The following EMP1 variants were observed in gnomAD, a reference collection of about 807,000 sequenced individuals.
EMP1 encodes tumor-associated membrane protein.
Under a neutral mutation model 15.7 loss-of-function variants are expected in EMP1, and 5 were observed. The observed-to-expected ratio is 0.32, with a 90% CI of 0.17 to 0.67. EMP1 has a LOEUF of 0.67. Among genes scored for constraint, EMP1 ranks in the 30% least tolerant of loss-of-function variants. The probability of loss-of-function intolerance (pLI) is 0.74; values close to 1 mark genes in which losing one functional copy is unlikely to be tolerated. For missense variants in EMP1, 166 were observed against 194.2 expected (o/e 0.85, Z 0.86); for synonymous variants, 78 against 76.7 (o/e 1.02, Z -0.09).
Position 13,200,102 on chromosome 12 carries a change from C to G in EMP1, c.-43+3230C>G, listed in dbSNP as rs543001426. ...TTTTCTAAATGCATGAATATGGTTC[C>G]TTCTTTAACCTCCCACATGTATGTA... is the stretch of plus-strand genomic sequence containing the variant. On this transcript the variant is annotated intron_variant, in intron 1 of 4. Transcript: ENST00000256951. 9.9e-5 allele frequency among the ~76,000 whole-genome samples: 15 copies of G among 151,888 alleles called. No individual in the cohort carries two copies. In the East Asian group the frequency reaches 2.9e-3, roughly 29 times the overall value.
chr12:13,213,065 T>G (rs1402217502), intron 2 of EMP1, among the ~76,000 whole-genome samples: 1 of 152,248 alleles, frequency 6.6e-6, no homozygotes, highest in African/African-American at 2.4e-5. Flanking sequence ...CATTTCACTT[T>G]TTTCCTGGTT....
intron 1 of EMP1, among the ~76,000 whole-genome samples, chr12:13,198,953 C>A (rs115201496): frequency 6.1e-4 from 92 of 151,380 alleles, no homozygotes; most frequent in African/African-American, 2.0e-3. Context: ...TTTTCCCCCC[C>A]ACTCTGCCCG....
At chr12:13,209,173 G>A (rs1016258903) in intron 1 of EMP1, 16 of 152,268 alleles carry the variant, frequency 1.1e-4, no homozygotes, top group Admixed American at 3.3e-4. Flanking sequence ...TGAAGAGCCC[G>A]AGGAGGATTA....
rs142479208 is a variant in EMP1 at position 13,206,541 on chromosome 12, G to A, written c.-42-4928G>A. 7.2e-3 allele frequency among the ~76,000 whole-genome samples: 1,090 copies of A among 152,254 alleles called. 9 individuals carry two copies. The highest frequency in any genetic ancestry group is 0.024 in the Middle Eastern group (7 of 294). ...AGGATTTTGACCACTTCCTTCACTG[G>A]GGAAGTGGGTTTTTGGTTGCTCTAT... On this transcript the variant is annotated intron_variant, in intron 1 of 4. Coordinates refer to ENST00000256951, the MANE Select transcript of EMP1 (RefSeq NM_001423.3).
intron 1 of EMP1, among the ~76,000 whole-genome samples, chr12:13,209,983 G>T (rs1864150234): frequency 6.6e-6 from 1 of 152,180 alleles, no homozygotes; most frequent in Admixed American, 6.5e-5. Flanking sequence ...ATTGGGAAGG[G>T]GCTGTTGGAG....
intron 1 of EMP1, among the ~76,000 whole-genome samples, chr12:13,204,151 A>G (rs1340660814): frequency 6.6e-6 from 1 of 152,156 alleles, no homozygotes; most frequent in East Asian, 1.9e-4. Context: ...ATCAAGTCCT[A>G]CCTGAGGTTC....
Position 13,211,574 on chromosome 12 carries a change from AG to A in EMP1, c.65del (p.Ser22ThrfsTer13), listed in dbSNP as rs746233006. 1 of 1,613,864 alleles carries A rather than the reference AG, an allele frequency of 6.2e-7. No individual in the cohort carries two copies. Among genetic ancestry groups the A allele is most frequent in the Non-Finnish European group, 8.5e-7 (1 of 1,179,948 alleles). On this transcript the variant is annotated frameshift_variant, in exon 2 of 5. Coordinates refer to ENST00000256951, the MANE Select transcript of EMP1 (RefSeq NM_001423.3). LOFTEE classifies it high-confidence loss of function. The surrounding 1 kb of genome is among the most constrained non-coding windows in gnomAD (Gnocchi z 4.7). Reference sequence around the variant, plus strand: ...CGCTACTGTTATTATGCTATTTGTTAGCACCATTGCCAATGTGAGTAATGTT... The same window carrying A: ...CGCTACTGTTATTATGCTATTTGTTACACCATTGCCAATGTGAGTAATGTT... ...HIATVIMLFV[S>X]TIANVWLVSN...
chr12:13,212,429 T>A (rs949630701), intron 2 of EMP1, among the ~76,000 whole-genome samples: 1 of 152,206 alleles, frequency 6.6e-6, no homozygotes, highest in Non-Finnish European at 1.5e-5. Flanking sequence ...TAAGTGAGTT[T>A]TAAAGTTCAG....
chr12:13,200,674 A>G (rs1393626542), intron 1 of EMP1, among the ~76,000 whole-genome samples: 1 of 152,140 alleles, frequency 6.6e-6, no homozygotes, highest in African/African-American at 2.4e-5. Flanking sequence ...GGGTAAAACC[A>G]TTTCCTTCAA....
chr12:13,204,883 A>G (rs1864098090), intron 1 of EMP1, among the ~76,000 whole-genome samples: 1 of 152,216 alleles, frequency 6.6e-6, no homozygotes, highest in Non-Finnish European at 1.5e-5. Context: ...TGAGATTTTG[A>G]GATCTAAGGT....
intron 2 of EMP1, among the ~76,000 whole-genome samples, chr12:13,213,196 G>C (rs1431985979): frequency 1.3e-5 from 2 of 152,210 alleles, no homozygotes; most frequent in Admixed American, 1.3e-4. Context: ...CTGTGGTTGA[G>C]TTACTTCCAT....
At chr12:13,197,347 G>T (rs1287325825) in intron 1 of EMP1, among the ~76,000 whole-genome samples, 1 of 152,118 alleles carries the variant, frequency 6.6e-6, no homozygotes, top group African/African-American at 2.4e-5. Context: ...TTTGGGTGGT[G>T]GTGGATAGAT....
chr12:13,218,491 A>G lies in EMP1; in HGVS notation c.*3800A>G, dbSNP rs1255701140. On this transcript the variant is annotated 3_prime_UTR_variant, in exon 5 of 5. Transcript: ENST00000256951. ...GGATAGGCTGGTGGGAGGAAGAATG[A>G]AAAGAAGAAAACTTGTTGGAAATTT... 6.6e-6 allele frequency: 1 copy of G among 152,214 alleles called. No homozygotes were observed. The highest frequency in any genetic ancestry group is 1.5e-5 in the Non-Finnish European group (1 of 68,038). The allele number at this position is 152,214 out of a possible 1,614,324, so 9.4% of individuals were successfully genotyped here. A position where few individuals can be genotyped will look rare whatever the true frequency, so the allele number is the denominator to read the frequency against.
chr12:13,216,190 G>A lies in EMP1; in HGVS notation c.*1499G>A, dbSNP rs1373942633. 6 of 550,882 alleles carry A rather than the reference G, an allele frequency of 1.1e-5. No individual in the cohort carries two copies. Among genetic ancestry groups the A allele is most frequent in the East Asian group, 9.4e-5 (3 of 32,070 alleles). 34.1% of individuals were successfully genotyped at this position (550,882 alleles called of 1,614,324 possible). On this transcript the variant is annotated 3_prime_UTR_variant, in exon 5 of 5. Coordinates refer to ENST00000256951, the MANE Select transcript of EMP1 (RefSeq NM_001423.3). The stretch of plus-strand genomic sequence containing the variant: ...TTTTTGGGAAGACGTTTTCTTTATC[G>A]CCCTGAGAAGATCTACCCCAGGGAG...
At chr12:13,209,796 G>A (rs1333374327) in intron 1 of EMP1, among the ~76,000 whole-genome samples, 4 of 152,154 alleles carry the variant, frequency 2.6e-5, no homozygotes, top group Admixed American at 6.5e-5. Context: ...TTGGGGAGGT[G>A]TGCTAGAACC....
In EMP1 at chr12:13,202,499, T is replaced by C. The variant is rs908795617; in HGVS notation, c.-43+5627T>C. ...GGTTTGCAACCCTGAAACAACTAGT[T>C]TGGGGCAAGGCAGTGTGTTCACATT... On this transcript the variant is annotated intron_variant, in intron 1 of 4. Transcript: ENST00000256951. Among the ~76,000 whole-genome samples the C allele has an allele frequency of 5.9e-5, 9 of 152,172 alleles. No individual in the cohort carries two copies. In the East Asian group the frequency reaches 1.2e-3, roughly 20 times the overall value.
intron 1 of EMP1, among the ~76,000 whole-genome samples, chr12:13,197,334 T>C (rs1040938169): frequency 3.3e-5 from 5 of 152,180 alleles, no homozygotes; most frequent in African/African-American, 1.2e-4. Context: ...TTGGTTGGGA[T>C]TTTTTGGGTG....
chr12:13,212,089 A>T (rs947085522), intron 2 of EMP1, among the ~76,000 whole-genome samples: 1 of 152,224 alleles, frequency 6.6e-6, no homozygotes, highest in South Asian at 2.1e-4. Flanking sequence ...GATTAGAAGG[A>T]TAGATGGGAA....
At position 13,215,292 on chromosome 12, in the gene EMP1, G is replaced by C. The variant is rs1324899869; in HGVS notation, c.*601G>C. 1 of 152,808 alleles carries C rather than the reference G, an allele frequency of 6.5e-6. No individual in the cohort carries two copies. The highest frequency in any genetic ancestry group is 2.4e-5 in the African/African-American group (1 of 41,460). The allele number at this position is 152,808 out of a possible 1,614,324, so 9.5% of individuals were successfully genotyped here. A position where few individuals can be genotyped will look rare whatever the true frequency, so the allele number is the denominator to read the frequency against. ...GAAAGAGAGTTTGTAAGGTCATGCT[G>C]GTGGGTTAGCTAAACCAAGAAGGAG... On this transcript the variant is annotated 3_prime_UTR_variant, in exon 5 of 5. Transcript: ENST00000256951.
Sources: allele counts gnomAD v4.1 joint callset (sites outside exome capture counted in the v4.1 genomes callset), GRCh38; gene constraint gnomAD v4.1.1; non-coding constraint Gnocchi (gnomAD v3.1); transcripts MANE v1.5; gene names NCBI Gene and HGNC (gene_info 2026-07-23, HGNC 2026-07-21).